The following CDK14 variants were observed in gnomAD, a reference collection of about 807,000 sequenced individuals.
The protein encoded by CDK14 is cyclin-dependent kinase 14.
Under a neutral mutation model 60.7 loss-of-function variants are expected in CDK14, and 34 were observed. The ratio of observed to expected loss-of-function variants is 0.56; its 90% CI spans 0.43 to 0.75. The LOEUF (loss-of-function observed/expected upper bound fraction) is 0.75. CDK14 is among the 30% of genes least tolerant of loss of function. The pLI, the probability that CDK14 is intolerant of heterozygous loss-of-function variation, is 0.00. For missense variants in CDK14, 482 were observed against 564.1 expected, an observed-to-expected ratio of 0.85 and a Z score of 1.47; for synonymous variants, 197 against 203.7, an observed-to-expected ratio of 0.97 and a Z score of 0.28.
chr7:91,003,785 G>A lies in CDK14; in HGVS notation c.1041+19544G>A, dbSNP rs528855466. Among the ~76,000 whole-genome samples, 58 of 152,204 alleles carry A rather than the reference G, an allele frequency of 3.8e-4. No homozygotes were observed. The South Asian group carries it at 0.011, about 29-fold the overall frequency. ...AATGTAACCTCTAGCTGGGTCACTG[G>A]GTGTTCATATAAAATTCAAGAAAAT... On this transcript the variant is annotated intron_variant, in intron 10 of 14. Transcript: ENST00000380050.
chr7:91,122,300 G>A (rs936559254), intron 14 of CDK14, among the ~76,000 whole-genome samples: 12 of 151,946 alleles, frequency 7.9e-5, no homozygotes, highest in South Asian at 4.2e-4. Context: ...AAAATGTGTC[G>A]GACTCTCTAC....
intron 5 of CDK14, among the ~76,000 whole-genome samples, chr7:90,847,296 A>G (rs1409752680): frequency 6.6e-6 from 1 of 152,216 alleles, no homozygotes; most frequent in Non-Finnish European, 1.5e-5. Flanking sequence ...TGGTCAATAC[A>G]TATTAGCTGA....
chr7:90,911,693 C>A (rs1409309530), intron 7 of CDK14, among the ~76,000 whole-genome samples: 1 of 152,060 alleles, frequency 6.6e-6, no homozygotes, highest in African/African-American at 2.4e-5. Context: ...ATTTAGACTT[C>A]GGTGAGAGGG....
At chr7:90,803,437 G>A (rs889478585) in intron 5 of CDK14, among the ~76,000 whole-genome samples, 2 of 152,274 alleles carry the variant, frequency 1.3e-5, no homozygotes, top group Admixed American at 6.5e-5. Context: ...GTTTGGAAGG[G>A]ACTTAAGAGG....
At chr7:91,201,647 C>T (rs919024421) in intron 14 of CDK14, among the ~76,000 whole-genome samples, 9 of 152,036 alleles carry the variant, frequency 5.9e-5, no homozygotes, top group Non-Finnish European at 1.3e-4. Context: ...GGGTCCTCAG[C>T]GATGTTGTCC....
intron 8 of CDK14, among the ~76,000 whole-genome samples, chr7:90,929,884 G>A (rs1438897511): frequency 6.6e-6 from 1 of 152,172 alleles, no homozygotes; most frequent in African/African-American, 2.4e-5. Flanking sequence ...CATCTAGAGT[G>A]AACACTACTA....
At chr7:91,076,387 C>T (rs1562894253) in intron 11 of CDK14, among the ~76,000 whole-genome samples, 1 of 150,086 alleles carries the variant, frequency 6.7e-6, no homozygotes, top group Non-Finnish European at 1.5e-5. Context: ...CTGACAAAAA[C>T]AAGCTATGGG....
intron 5 of CDK14, among the ~76,000 whole-genome samples, chr7:90,834,296 A>G (rs1424910937): frequency 6.6e-6 from 1 of 152,234 alleles, no homozygotes; most frequent in Non-Finnish European, 1.5e-5. Flanking sequence ...ATTATTAGAG[A>G]ACAAAGCCAT....
chr7:91,070,246 T>C (rs1336232846), intron 11 of CDK14, among the ~76,000 whole-genome samples: 2 of 127,992 alleles, frequency 1.6e-5, no homozygotes, highest in African/African-American at 5.8e-5. Context: ...TTTATTTTGT[T>C]GTTGCTGCTG....
intron 6 of CDK14, among the ~76,000 whole-genome samples, chr7:90,880,638 C>CA (rs1280204482): frequency 6.6e-6 from 1 of 152,102 alleles, no homozygotes; most frequent in African/African-American, 2.4e-5. Context: ...TGAGACCATC[C>CA]AACGGGGGTA....
chr7:90,632,409 G>A, intron 2 of CDK14: 1 of 257,302 alleles, frequency 3.9e-6, no homozygotes, highest in East Asian at 1.1e-4. Flanking sequence ...TTGGAGTAAA[G>A]TGATTGGCAG....
intron 2 of CDK14, among the ~76,000 whole-genome samples, chr7:90,715,437 A>T (rs11765929): frequency 0.16 from 24,370 of 151,972 alleles, 2,064 homozygotes; most frequent in African/African-American, 0.18. Context: ...AGTGCTTCTG[A>T]CATGGTAGAC....
At chr7:91,169,733 G>A (rs977315065) in intron 14 of CDK14, among the ~76,000 whole-genome samples, 21 of 152,096 alleles carry the variant, frequency 1.4e-4, no homozygotes, top group African/African-American at 3.6e-4. Context: ...TCAGAAACTC[G>A]ATTTGTGTTT....
intron 14 of CDK14, among the ~76,000 whole-genome samples, chr7:91,163,130 A>T (rs566299097): frequency 2.0e-5 from 3 of 152,326 alleles, no homozygotes; most frequent in African/African-American, 7.2e-5. Flanking sequence ...CCCACAAGGT[A>T]TTAGATTGTA....
intron 14 of CDK14, among the ~76,000 whole-genome samples, chr7:91,148,695 C>T (rs1800731990): frequency 1.3e-5 from 2 of 152,104 alleles, no homozygotes; most frequent in South Asian, 4.1e-4. Flanking sequence ...CAGGCACACC[C>T]AGGAGTCCCT....
At chr7:90,784,426 C>G (rs1460365351) in intron 4 of CDK14, among the ~76,000 whole-genome samples, 1 of 152,068 alleles carries the variant, frequency 6.6e-6, no homozygotes, top group Admixed American at 6.6e-5. Flanking sequence ...GGAAAGTTCT[C>G]AACAAAAAGA....
chr7:90,759,681 T>A (rs1033748237), intron 4 of CDK14, among the ~76,000 whole-genome samples: 7 of 152,168 alleles, frequency 4.6e-5, no homozygotes, highest in African/African-American at 1.7e-4. Flanking sequence ...GAGTCTTTGC[T>A]CTCCCTGGGG....
chr7:91,068,391 T>C (rs1798040120), intron 11 of CDK14, among the ~76,000 whole-genome samples: 1 of 152,228 alleles, frequency 6.6e-6, no homozygotes, highest in Admixed American at 6.5e-5. Flanking sequence ...GGTTATTAAA[T>C]ATTTTGTCAA....
intron 10 of CDK14, among the ~76,000 whole-genome samples, chr7:91,007,926 C>G (rs1413402790): frequency 2.0e-5 from 3 of 151,882 alleles, no homozygotes; most frequent in Non-Finnish European, 4.4e-5. Flanking sequence ...ATTATAAACA[C>G]AATATTTCAT....
Sources: gnomAD v4.1 joint callset for allele counts (sites outside exome capture counted in the v4.1 genomes callset) on GRCh38, gnomAD v4.1.1 for gene constraint, MANE v1.5 for transcripts, NCBI Gene and HGNC (gene_info 2026-07-23, HGNC 2026-07-21) for gene names.